SP140: variants seen among roughly 807,000 people sequenced by gnomAD.
SP140 encodes the protein SP140 nuclear body protein.
A neutral mutation model predicts 125.0 loss-of-function variants in SP140; 81 were observed. The ratio of observed to expected loss-of-function variants is 0.65; its 90% CI spans 0.54 to 0.78. The LOEUF (loss-of-function observed/expected upper bound fraction) is 0.78. Among genes scored for constraint, SP140 ranks in the 30% least tolerant of loss-of-function variants. SP140 has a pLI of 0.00. For synonymous variants in SP140, 312 were observed against 354.0 expected (o/e 0.88, Z 1.33); for missense variants, 858 against 1,037.0 (o/e 0.83, Z 2.37).
upstream of SP140, among the ~76,000 whole-genome samples, chr2:230,220,957 A>T (rs1244459355): frequency 6.6e-6 from 1 of 152,090 alleles, no homozygotes; most frequent in African/African-American, 2.4e-5. Context: ...GGCTGCGGTG[A>T]GCTATGATTG....
chr2:230,200,668 A>G (rs917192517), upstream of SP140: 7 of 586,860 alleles, frequency 1.2e-5, no homozygotes, highest in Non-Finnish European at 2.1e-5. Flanking sequence ...GTGCAGATAT[A>G]CATACATACA....
intron 1 of SP140, among the ~76,000 whole-genome samples, chr2:230,209,392 G>A (rs188956444): frequency 6.6e-6 from 1 of 152,254 alleles, no homozygotes; most frequent in Admixed American, 6.5e-5. Context: ...CAGAAAAGCA[G>A]CTTTTGAAAG....
intron 12 of SP140, among the ~76,000 whole-genome samples, chr2:230,265,790 C>T (rs1390944526): frequency 5.6e-5 from 8 of 142,634 alleles, no homozygotes; most frequent in East Asian, 4.0e-4. Context: ...CTCAGTTTTA[C>T]GGGGGGGGGC....
intron 22 of SP140, among the ~76,000 whole-genome samples, chr2:230,303,380 G>A (rs1182070714): frequency 1.3e-5 from 2 of 152,144 alleles, no homozygotes; most frequent in African/African-American, 4.8e-5. Flanking sequence ...ATTCTGAAGA[G>A]ACCAGTAACA....
At chr2:230,296,884 G>T (rs1345639719) in intron 21 of SP140, among the ~76,000 whole-genome samples, 2 of 152,234 alleles carry the variant, frequency 1.3e-5, no homozygotes, top group African/African-American at 4.8e-5. Flanking sequence ...AATGGGACTT[G>T]CATTGGGATT....
intron 9 of SP140, 141 bp from the exon 10 acceptor site, chr2:230,250,840 G>A: frequency 1.3e-6 from 1 of 758,358 alleles, no homozygotes; most frequent in Non-Finnish European, 2.2e-6. Context: ...TACAGGCCAG[G>A]TGAACCCACC....
At chr2:230,200,658 G>A (rs771750849), upstream of SP140, 3 of 578,662 alleles carry the variant, frequency 5.2e-6, no homozygotes, top group Non-Finnish European at 9.2e-6. Flanking sequence ...ATCTTATATA[G>A]TGCAGATATA....
intron 12 of SP140, among the ~76,000 whole-genome samples, chr2:230,258,244 C>T (rs1255487018): frequency 8.6e-5 from 13 of 152,018 alleles, no homozygotes; most frequent in Admixed American, 8.5e-4. Flanking sequence ...TGGAAGAGGA[C>T]CCTGGAAACA....
intron 22 of SP140, among the ~76,000 whole-genome samples, chr2:230,307,591 C>T (rs924411589): frequency 1.3e-4 from 20 of 152,208 alleles, no homozygotes; most frequent in Non-Finnish European, 2.8e-4. Flanking sequence ...CACAGCCTTG[C>T]AGAGAGCCAG....
chr2:230,297,400 A>G (rs374856180), intron 21 of SP140, 21 bp from the exon 22 acceptor site: 30 of 1,612,122 alleles, frequency 1.9e-5, no homozygotes, highest in African/African-American at 1.5e-4. Flanking sequence ...TCATAAATCA[A>G]TCTTTCTGTT....
At chr2:230,205,600 A>T (rs1310384749) in intron 1 of SP140, among the ~76,000 whole-genome samples, 16 of 116,130 alleles carry the variant, frequency 1.4e-4, no homozygotes, top group South Asian at 7.8e-4. Flanking sequence ...TCTCTCTTTA[A>T]AAAAAAAATC....
At chr2:230,266,709 C>T (rs1281962556) in intron 12 of SP140, among the ~76,000 whole-genome samples, 1 of 152,190 alleles carries the variant, frequency 6.6e-6, no homozygotes. Flanking sequence ...GAACCGAGGT[C>T]ACAGCTTTGT....
chr2:230,302,776 A>T (rs1156449917), intron 22 of SP140, among the ~76,000 whole-genome samples: 1 of 152,246 alleles, frequency 6.6e-6, no homozygotes, highest in East Asian at 1.9e-4. Flanking sequence ...CCAGGCACGT[A>T]CATGGAAATT....
intron 16 of SP140, among the ~76,000 whole-genome samples, 189 bp from the exon 17 acceptor site, chr2:230,285,562 AG>A (rs2056268379): frequency 6.6e-6 from 1 of 152,210 alleles, no homozygotes; most frequent in Non-Finnish European, 1.5e-5. Flanking sequence ...AAATTCTAAG[AG>A]ACTTCAATGT....
rs1448725022 is a variant in SP140, at chr2:230,211,378, G to C, written c.-322-2276G>C. On this transcript the variant is annotated intron_variant, in intron 1 of 4. Transcript: ENST00000456542. This position sits in a 1 kb window ranked among gnomAD's most constrained non-coding sequence, Gnocchi z 4.2. Reference sequence around the variant, plus strand: ...GGCCAAGATTGCTGAGAGGCAGGAGGAGAGCCCCCTCTCTAGAAGATCCGA... The same window carrying C: ...GGCCAAGATTGCTGAGAGGCAGGAGCAGAGCCCCCTCTCTAGAAGATCCGA... 1.2e-6 allele frequency: 1 copy of C among 847,186 alleles called. No individual in the cohort carries two copies. The highest frequency in any genetic ancestry group is 2.1e-6 in the Non-Finnish European group (1 of 486,688). 52.5% of individuals were successfully genotyped at this position (847,186 alleles called of 1,614,324 possible). A position where few individuals can be genotyped will look rare whatever the true frequency, so the allele number is the denominator to read the frequency against.
At chr2:230,249,497 G>A (rs1188276187) in intron 9 of SP140, among the ~76,000 whole-genome samples, 1 of 152,134 alleles carries the variant, frequency 6.6e-6, no homozygotes, top group Non-Finnish European at 1.5e-5. Context: ...AGATAACTTT[G>A]AGAATGAGGA....
At chr2:230,261,883 A>G (rs367859494) in intron 12 of SP140, among the ~76,000 whole-genome samples, 2 of 152,274 alleles carry the variant, frequency 1.3e-5, no homozygotes, top group African/African-American at 2.4e-5. Flanking sequence ...TTTAGCATCT[A>G]TGTTCATCAA....
At chr2:230,314,789 T>G (rs1010178813), downstream of SP140, among the ~76,000 whole-genome samples, 2 of 152,230 alleles carry the variant, frequency 1.3e-5, no homozygotes, top group African/African-American at 4.8e-5. Flanking sequence ...GGAGAAGGAA[T>G]GCACTGCTGA....
At chr2:230,271,305 G>A (rs1026842617) in intron 15 of SP140, among the ~76,000 whole-genome samples, 11 of 152,218 alleles carry the variant, frequency 7.2e-5, no homozygotes, top group Admixed American at 2.0e-4. Flanking sequence ...ATGGACAGAG[G>A]CTGGAAGAAT....
Sources: gnomAD v4.1 joint callset for allele counts (sites outside exome capture counted in the v4.1 genomes callset) on GRCh38, gnomAD v4.1.1 for gene constraint, Gnocchi (gnomAD v3.1) non-coding constraint, MANE v1.5 for transcripts, NCBI Gene and HGNC (gene_info 2026-07-23, HGNC 2026-07-21) for gene names.